SKAP1: variants seen among roughly 807,000 people sequenced by gnomAD.
The protein encoded by SKAP1 is src kinase associated phosphoprotein 1, also known as src kinase-associated phosphoprotein 1.
In SKAP1, 44 loss-of-function variants were observed where a neutral mutation model predicts 58.5. The ratio of observed to expected loss-of-function variants is 0.75; its 90% CI spans 0.59 to 0.97. SKAP1 has a LOEUF of 0.97. Ranked by LOEUF, SKAP1 falls within the 50% of genes least tolerant of loss-of-function variation. The pLI, the probability that SKAP1 is intolerant of heterozygous loss-of-function variation, is 0.00. For synonymous variants in SKAP1, 127 were observed against 149.7 expected, an observed-to-expected ratio of 0.85 and a Z score of 1.11; for missense variants, 390 against 435.2, an observed-to-expected ratio of 0.90 and a Z score of 0.92.
chr17:48,239,440 C>G (rs976916319), intron 4 of SKAP1, among the ~76,000 whole-genome samples: 1 of 152,206 alleles, frequency 6.6e-6, no homozygotes, highest in African/African-American at 2.4e-5. Flanking sequence ...AGCTTCCTCA[C>G]AGCTCCTGCT....
At chr17:48,250,245 A>C (rs1338354112) in intron 4 of SKAP1, among the ~76,000 whole-genome samples, 2 of 149,636 alleles carry the variant, frequency 1.3e-5, no homozygotes, top group Non-Finnish European at 3.0e-5. Flanking sequence ...TAAATGAAAA[A>C]ATACATATAT....
chr17:48,351,812 T>C (rs1228687519), intron 3 of SKAP1, among the ~76,000 whole-genome samples: 1 of 152,118 alleles, frequency 6.6e-6, no homozygotes, highest in Non-Finnish European at 1.5e-5. Flanking sequence ...TAGACACTCT[T>C]AGTATAATCA....
intron 4 of SKAP1, among the ~76,000 whole-genome samples, chr17:48,343,294 T>C (rs1050675117): frequency 2.0e-5 from 3 of 152,190 alleles, no homozygotes; most frequent in East Asian, 1.9e-4. Context: ...AAATAGGATA[T>C]AGAGATTGCT....
At chr17:48,385,434 GA>G (rs1226920620) in intron 2 of SKAP1, among the ~76,000 whole-genome samples, 1 of 152,104 alleles carries the variant, frequency 6.6e-6, no homozygotes, top group Non-Finnish European at 1.5e-5. Flanking sequence ...AATTATTGGA[GA>G]GACATAATGA....
intron 1 of SKAP1, among the ~76,000 whole-genome samples, chr17:48,413,998 C>A (rs1407870695): frequency 6.6e-6 from 1 of 152,130 alleles, no homozygotes; most frequent in Non-Finnish European, 1.5e-5. Context: ...TCAAAAACAA[C>A]CATAAACAAT....
At chr17:48,242,428 T>G (rs2143829922) in intron 4 of SKAP1, among the ~76,000 whole-genome samples, 1 of 152,224 alleles carries the variant, frequency 6.6e-6, no homozygotes, top group South Asian at 2.1e-4. Flanking sequence ...GCAAATACAA[T>G]CCGGCAGTAA....
chr17:48,432,303 C>T (rs1479465193), upstream of SKAP1, among the ~76,000 whole-genome samples: 1 of 152,120 alleles, frequency 6.6e-6, no homozygotes, highest in Non-Finnish European at 1.5e-5. Flanking sequence ...GTGGTGCACG[C>T]CTGTAATCCC....
At chr17:48,347,223 A>G (rs1231658405) in intron 3 of SKAP1, among the ~76,000 whole-genome samples, 2 of 152,222 alleles carry the variant, frequency 1.3e-5, no homozygotes, top group Non-Finnish European at 2.9e-5. Context: ...TTCATTTCAC[A>G]AACATGAAAA....
chr17:48,230,938 T>G (rs2065119284), intron 4 of SKAP1, among the ~76,000 whole-genome samples: 1 of 152,220 alleles, frequency 6.6e-6, no homozygotes, highest in Non-Finnish European at 1.5e-5. Context: ...GATAATGAAA[T>G]GTATTACATA....
intron 12 of SKAP1, among the ~76,000 whole-genome samples, chr17:48,135,177 AT>A (rs2144558349): frequency 6.6e-6 from 1 of 152,320 alleles, no homozygotes. Flanking sequence ...ATTTTCCTAA[AT>A]GAGTTCACTC....
At chr17:48,177,348 T>C (rs1033318933) in intron 9 of SKAP1, among the ~76,000 whole-genome samples, 1 of 152,204 alleles carries the variant, frequency 6.6e-6, no homozygotes, top group East Asian at 1.9e-4. Flanking sequence ...CTGTATGCCA[T>C]TGTTTGCCAG....
At chr17:48,148,696 C>T (rs1400501363) in intron 11 of SKAP1, among the ~76,000 whole-genome samples, 2 of 152,140 alleles carry the variant, frequency 1.3e-5, no homozygotes, top group East Asian at 1.9e-4. Flanking sequence ...ACTTCAAGGG[C>T]CATTGCTACA....
At chr17:48,223,544 A>G (rs917555644) in intron 4 of SKAP1, among the ~76,000 whole-genome samples, 1 of 152,206 alleles carries the variant, frequency 6.6e-6, no homozygotes, top group African/African-American at 2.4e-5. Context: ...TGAAAACTGA[A>G]GTGTGGGCAA....
chr17:48,264,208 C>T (rs986802831), intron 4 of SKAP1, among the ~76,000 whole-genome samples: 1 of 148,344 alleles, frequency 6.7e-6, no homozygotes, highest in Admixed American at 6.7e-5. Flanking sequence ...ATCAGCAACA[C>T]TACTTTATAT....
Position 48,236,456 on chromosome 17 carries a change from T to C in SKAP1, c.281-46956A>G, listed in dbSNP as rs1378406190. Among the ~76,000 whole-genome samples, 7 of 152,346 alleles carry C rather than the reference T, an allele frequency of 4.6e-5. No homozygotes were observed. The South Asian group carries it at 1.4e-3, about 32-fold the overall frequency. On this transcript the variant is annotated intron_variant, in intron 4 of 12. Coordinates refer to ENST00000336915, the MANE Select transcript of SKAP1 (RefSeq NM_003726.4). ...TATACCACAGTAGGTTCTTGATAAATATTCCTTGTATTAATGAATGAAAAG... is the reference window on the plus strand; with the variant it reads ...TATACCACAGTAGGTTCTTGATAAACATTCCTTGTATTAATGAATGAAAAG...
intron 4 of SKAP1, among the ~76,000 whole-genome samples, chr17:48,344,636 T>C (rs1408920161): frequency 6.6e-6 from 1 of 152,244 alleles, no homozygotes; most frequent in Admixed American, 6.5e-5. Context: ...CCAATGTAAT[T>C]ATTAAACTTT....
chr17:48,145,295 C>T (rs1261392053), intron 11 of SKAP1, among the ~76,000 whole-genome samples: 2 of 151,984 alleles, frequency 1.3e-5, no homozygotes, highest in Admixed American at 6.6e-5. Flanking sequence ...AACTATTGGT[C>T]TGGATGAATG....
At chr17:48,391,611 T>C (rs2067345966) in intron 2 of SKAP1, among the ~76,000 whole-genome samples, 1 of 152,158 alleles carries the variant, frequency 6.6e-6, no homozygotes, top group African/African-American at 2.4e-5. Context: ...TGAGTAATAA[T>C]GTTGAAGTTG....
intron 4 of SKAP1, among the ~76,000 whole-genome samples, chr17:48,298,819 G>T (rs369979615): frequency 1.3e-5 from 2 of 152,188 alleles, no homozygotes; most frequent in East Asian, 3.8e-4. Context: ...GTGGGGGAAG[G>T]GAAGTGGGTA....
Sources: gnomAD v4.1 joint callset for allele counts (sites outside exome capture counted in the v4.1 genomes callset) on GRCh38, gnomAD v4.1.1 for gene constraint, MANE v1.5 for transcripts, NCBI Gene and HGNC (gene_info 2026-07-23, HGNC 2026-07-21) for gene names.